Variants in CAMTA1 observed in about 807,000 individuals in gnomAD.
CAMTA1 encodes the protein calmodulin-binding transcription activator 1.
A neutral mutation model predicts 170.9 loss-of-function variants in CAMTA1; 27 were observed. That is an observed-to-expected ratio of 0.16 (90% CI 0.12 to 0.22). The LOEUF is 0.22. Ranked by LOEUF, CAMTA1 falls within the 10% of genes least tolerant of loss-of-function variation. The pLI is 1.00. For missense variants in CAMTA1, 1,619 were observed against 2,217.2 expected (o/e 0.73, Z 5.42); for synonymous variants, 833 against 891.5 (o/e 0.93, Z 1.17).
chr1:7,123,402 G>C (rs1644757956), intron 4 of CAMTA1, among the ~76,000 whole-genome samples: 1 of 152,060 alleles, frequency 6.6e-6, no homozygotes, highest in East Asian at 1.9e-4. Flanking sequence ...GTCTTGTCTT[G>C]ATCATCCGCG....
At chr1:6,900,261 T>C (rs566183721) in intron 3 of CAMTA1, among the ~76,000 whole-genome samples, 25 of 152,338 alleles carry the variant, frequency 1.6e-4, no homozygotes, top group African/African-American at 6.0e-4. Context: ...GGGATAACTT[T>C]GAAACTGTGT....
intron 6 of CAMTA1, among the ~76,000 whole-genome samples, chr1:7,586,208 C>A (rs921978299): frequency 2.6e-5 from 4 of 152,132 alleles, no homozygotes; most frequent in Non-Finnish European, 4.4e-5. Flanking sequence ...CCCCTCCCTG[C>A]AGCTGCATCT....
chr1:7,102,288 C>T (rs780173418), intron 4 of CAMTA1, among the ~76,000 whole-genome samples: 2 of 152,018 alleles, frequency 1.3e-5, no homozygotes, highest in African/African-American at 2.4e-5. Flanking sequence ...GAAGAGGGAG[C>T]GAGAGTCCAG....
At chr1:7,339,071 A>C (rs1215491062) in intron 5 of CAMTA1, among the ~76,000 whole-genome samples, 4 of 151,894 alleles carry the variant, frequency 2.6e-5, no homozygotes, top group Non-Finnish European at 4.4e-5. Context: ...GCGAGGGGGA[A>C]CTCCGCCCCC....
rs1342415852 is a variant in CAMTA1 at position 7,411,932 on chromosome 1, C to T, written c.439-55898C>T. 6.3e-4 allele frequency among the ~76,000 whole-genome samples: 88 copies of T among 139,578 alleles called. 1 individual carries two copies. Among genetic ancestry groups the T allele is most frequent in the Non-Finnish European group, 5.8e-4 (38 of 65,472 alleles). 91.6% of individuals were successfully genotyped at this position (139,578 alleles called of 152,430 possible). On this transcript the variant is annotated intron_variant, in intron 5 of 22. Transcript: ENST00000303635. ...CCTCCCCCCACCCCACAACAGTCCT[C>T]GGAGTGTGATGTTCCCCTTCCTGTG...
intron 3 of CAMTA1, among the ~76,000 whole-genome samples, chr1:6,990,805 C>A (rs111530741): frequency 0.16 from 22,890 of 141,310 alleles, 1,908 homozygotes; most frequent in African/African-American, 0.21. Flanking sequence ...CTCTCTCTCT[C>A]TATATATATA....
chr1:7,597,950 T>A (rs2095413207), intron 6 of CAMTA1, among the ~76,000 whole-genome samples: 1 of 150,360 alleles, frequency 6.7e-6, no homozygotes, highest in Non-Finnish European at 1.5e-5. Context: ...TTTTTTTTTT[T>A]ATACTTTAAG....
At chr1:7,752,647 C>A in intron 21 of CAMTA1, 114 bp downstream of exon 21, 1 of 775,434 alleles carries the variant, frequency 1.3e-6, no homozygotes, top group Non-Finnish European at 2.0e-6. Flanking sequence ...ATAATCAGGG[C>A]AGACGTCCCA....
intron 3 of CAMTA1, among the ~76,000 whole-genome samples, chr1:6,884,162 C>T (rs1672440898): frequency 8.1e-6 from 1 of 123,522 alleles, no homozygotes; most frequent in South Asian, 2.6e-4. Flanking sequence ...AACCATTTCT[C>T]ACTCCTTCTG....
rs1010772173 is a variant in CAMTA1, at chr1:7,399,579, G to T, written c.439-68251G>T. 2.6e-5 allele frequency among the ~76,000 whole-genome samples: 4 copies of T among 152,298 alleles called. No homozygotes were observed. The South Asian group carries it at 8.3e-4, about 32-fold the overall frequency. On this transcript the variant is annotated intron_variant, in intron 5 of 22. Transcript: ENST00000303635. ...AATTTATCTGCACCCGTGAGATTAT[G>T]CTTTCATATGTTTCACAATAGTAAT...
intron 7 of CAMTA1, among the ~76,000 whole-genome samples, chr1:7,655,004 C>T (rs111161925): frequency 0.67 from 82,593 of 123,328 alleles, 27,239 homozygotes; most frequent in East Asian, 0.77. Context: ...CCACACACAC[C>T]TATACACACA....
At chr1:7,475,607 G>A (rs116590562) in intron 6 of CAMTA1, among the ~76,000 whole-genome samples, 2,697 of 152,272 alleles carry the variant, frequency 0.018, 83 homozygotes, top group African/African-American at 0.062. Context: ...GGCTGATGCC[G>A]AGGTGCCCCT....
chr1:7,753,032 CTAT>C (rs1187648372), intron 21 of CAMTA1, among the ~76,000 whole-genome samples: 2 of 152,170 alleles, frequency 1.3e-5, no homozygotes, highest in East Asian at 1.9e-4. Flanking sequence ...CCAACATGCT[CTAT>C]TATTAAACTA....
chr1:7,230,371 C>T (rs973938896), intron 4 of CAMTA1, among the ~76,000 whole-genome samples: 1 of 151,320 alleles, frequency 6.6e-6, no homozygotes, highest in South Asian at 2.1e-4. Context: ...CCTGTGCCCT[C>T]TCCCGGCTTT....
chr1:6,852,407 T>A (rs1660744630), intron 3 of CAMTA1, among the ~76,000 whole-genome samples: 1 of 152,208 alleles, frequency 6.6e-6, no homozygotes, highest in Non-Finnish European at 1.5e-5. Context: ...CTGGAATTAC[T>A]TGCTTCACAG....
rs575467443 is a variant in CAMTA1, at chr1:7,591,769, C to A, written c.511-48631C>A. On this transcript the variant is annotated intron_variant, in intron 6 of 22. Coordinates refer to ENST00000303635, the MANE Select transcript of CAMTA1 (RefSeq NM_015215.4). ...CTGCCCATGGTCCACCGTGCTCAGG[C>A]CACGCTGGCTCCTTTCCTTCCTGCA... is the stretch of plus-strand genomic sequence containing the variant. 8.5e-4 allele frequency among the ~76,000 whole-genome samples: 129 copies of A among 152,356 alleles called. 1 individual carries two copies. Among genetic ancestry groups the A allele is most frequent in the African/African-American group, 2.8e-3 (116 of 41,582 alleles).
At chr1:7,545,844 C>A (rs2094684396) in intron 6 of CAMTA1, among the ~76,000 whole-genome samples, 3 of 151,836 alleles carry the variant, frequency 2.0e-5, no homozygotes, top group African/African-American at 4.8e-5. Flanking sequence ...TCCCTCCCCA[C>A]CCCCACCACC....
chr1:7,153,583 A>G (rs1051563620), intron 4 of CAMTA1, among the ~76,000 whole-genome samples: 4 of 152,080 alleles, frequency 2.6e-5, no homozygotes, highest in Non-Finnish European at 5.9e-5. Flanking sequence ...CAAGCAGAGT[A>G]TGCAAGGAGA....
At chr1:6,792,599 A>C (rs1329258478) in intron 1 of CAMTA1, among the ~76,000 whole-genome samples, 6 of 151,846 alleles carry the variant, frequency 4.0e-5, no homozygotes, top group Admixed American at 3.9e-4. Context: ...TTGTTCATTT[A>C]CTTCGAACTG....
Sources: gnomAD v4.1 joint callset for allele counts (sites outside exome capture counted in the v4.1 genomes callset) on GRCh38, gnomAD v4.1.1 for gene constraint, MANE v1.5 for transcripts, NCBI Gene and HGNC (gene_info 2026-07-23, HGNC 2026-07-21) for gene names.